NCOR2: variants seen among roughly 807,000 people sequenced by gnomAD.
NCOR2 encodes the protein CTG repeat protein 26.
In NCOR2, 81 loss-of-function variants were observed where a neutral mutation model predicts 262.9. The ratio of observed to expected loss-of-function variants is 0.31; its 90% CI spans 0.26 to 0.37. NCOR2 has a LOEUF of 0.37. Among genes scored for constraint, NCOR2 ranks in the 10% least tolerant of loss-of-function variants. The pLI is 1.00. For missense variants in NCOR2, 3,385 were observed against 3,621.4 expected (o/e 0.93, Z 1.68); for synonymous variants, 1,659 against 1,559.3 (o/e 1.06, Z -1.51).
intron 2 of NCOR2, chr12:124,486,230 A>G (rs1469318911): frequency 8.1e-6 from 5 of 616,832 alleles, no homozygotes; most frequent in Non-Finnish European, 1.3e-5. Flanking sequence ...CTGAAGTTCC[A>G]CGCTGGAAGT....
At chr12:124,437,317 G>A (rs1030298638) in intron 8 of NCOR2, among the ~76,000 whole-genome samples, 2 of 152,252 alleles carry the variant, frequency 1.3e-5, no homozygotes, top group East Asian at 1.9e-4. Flanking sequence ...GGCCACGGCC[G>A]CCTGAAACCA....
rs116677347 is a variant in NCOR2, at chr12:124,424,802, C to T, written c.1328+1820G>A. On this transcript the variant is annotated intron_variant, in intron 11 of 46. Transcript: ENST00000405201. ...TCCGGAGGCAGGGTCTTCCCCAAGG[C>T]AGCTCAGTAGCCTGCCGGGTGAACG... Among the ~76,000 whole-genome samples, 1,038 of 152,318 alleles carry T rather than the reference C, an allele frequency of 6.8e-3. 12 individuals are homozygous for T. Among genetic ancestry groups the T allele is most frequent in the African/African-American group, 0.024 (1,001 of 41,576 alleles).
At chr12:124,341,776 T>C (rs1355793116) in intron 34 of NCOR2, 47 bp downstream of exon 36, 3 of 1,559,730 alleles carry the variant, frequency 1.9e-6, no homozygotes, top group Non-Finnish European at 2.6e-6. Flanking sequence ...CCATGTCCTT[T>C]GGGAATAAGG....
intron 1 of NCOR2, among the ~76,000 whole-genome samples, chr12:124,561,699 G>A (rs1014625366): frequency 1.3e-5 from 2 of 152,080 alleles, no homozygotes; most frequent in East Asian, 1.9e-4. Flanking sequence ...ATGGCACCAC[G>A]CAGAGAAAAC....
intron 7 of NCOR2, among the ~76,000 whole-genome samples, chr12:124,438,200 G>A (rs983214287): frequency 2.6e-5 from 4 of 152,210 alleles, no homozygotes; most frequent in African/African-American, 4.8e-5. Context: ...GGCAGCCCCC[G>A]CCAACGTTTA....
At chr12:124,354,516 AGGCTCTCCGGTGGCCCAGCCT>A in exon 26 of NCOR2, 5 of 1,594,136 alleles carry the variant, frequency 3.1e-6, no homozygotes, top group Non-Finnish European at 4.3e-6. Context: ...GGGCACCCCC[AGGCTCTCCGGTGGCCCAGCCT>A]GGCCCCGTGG....
At chr12:124,407,621 G>A (rs2042346131) in intron 13 of NCOR2, among the ~76,000 whole-genome samples, 1 of 152,238 alleles carries the variant, frequency 6.6e-6, no homozygotes. Flanking sequence ...CCGGGAATGA[G>A]AGGAGACAGT....
chr12:124,349,938 G>A (rs767595016), intron 28 of NCOR2, among the ~76,000 whole-genome samples: 7 of 152,130 alleles, frequency 4.6e-5, no homozygotes, highest in Non-Finnish European at 8.8e-5. Context: ...TAAGCCACAC[G>A]GTGCCACCTC....
intron 10 of NCOR2, 100 bp downstream of exon 12, chr12:124,429,513 C>T (rs1565935169): frequency 3.0e-6 from 4 of 1,317,284 alleles, no homozygotes; most frequent in East Asian, 2.5e-5. Context: ...AGCCCCTCGA[C>T]GTAAACCACC....
chr12:124,404,829 G>A (rs913823006), intron 13 of NCOR2, among the ~76,000 whole-genome samples: 8 of 152,168 alleles, frequency 5.3e-5, no homozygotes, highest in Non-Finnish European at 1.0e-4. Context: ...AGATGAAAAC[G>A]CCACGAGTAA....
In NCOR2 at chr12:124,481,638, G is replaced by C. The variant is rs1593755972; in HGVS notation, c.411+1958C>G. Reference sequence around the variant, plus strand: ...GAACTCCAGGGTGGCCTGGGAGGCTGTACGTGAGCGGTTGAGAGGGCTGCT... The same window carrying C: ...GAACTCCAGGGTGGCCTGGGAGGCTCTACGTGAGCGGTTGAGAGGGCTGCT... On this transcript the variant is annotated intron_variant, in intron 3 of 46. Transcript: ENST00000405201. The surrounding 1 kb of genome is among the most constrained non-coding windows in gnomAD (Gnocchi z 4.6). 6.6e-6 allele frequency among the ~76,000 whole-genome samples: 1 copy of C among 152,218 alleles called. No individual in the cohort carries two copies. Among genetic ancestry groups the C allele is most frequent in the South Asian group, 2.1e-4 (1 of 4,838 alleles).
At chr12:124,490,703 C>T (rs2048038600) in intron 1 of NCOR2, among the ~76,000 whole-genome samples, 1 of 152,214 alleles carries the variant, frequency 6.6e-6, no homozygotes, top group Non-Finnish European at 1.5e-5. Flanking sequence ...CGCCCACCTG[C>T]CCCAGCCTGG....
At chr12:124,495,264 C>G, upstream of NCOR2, 1 of 1,607,838 alleles carries the variant, frequency 6.2e-7, no homozygotes. This position sits in a 1 kb window ranked among gnomAD's most constrained non-coding sequence, Gnocchi z 4.4. Flanking sequence ...TGGTGGGGGT[C>G]GGCGGGGAGC....
At chr12:124,445,238 C>T (rs1004302981) in intron 7 of NCOR2, among the ~76,000 whole-genome samples, 1 of 152,190 alleles carries the variant, frequency 6.6e-6, no homozygotes, top group African/African-American at 2.4e-5. Context: ...ACATCCCACG[C>T]GGGCTCCATA....
At position 124,360,536 on chromosome 12, in the gene NCOR2, G is replaced by A. The variant is rs543109682; in HGVS notation, c.3100+1590C>T. 3.1e-3 allele frequency among the ~76,000 whole-genome samples: 467 copies of A among 152,156 alleles called. 2 individuals are homozygous for A. The highest frequency in any genetic ancestry group is 5.6e-3 in the Non-Finnish European group (380 of 68,002). ...ATAACAAGCACCTCCTTCCCCTTCC[G>A]CAACACACGCTCACTTCAAATCCCT... On this transcript the variant is annotated intron_variant, in intron 22 of 46. Transcript: ENST00000405201.
At chr12:124,335,216 C>T (rs2135778498) in exon 40 of NCOR2, 2 of 1,610,756 alleles carry the variant, frequency 1.2e-6, no homozygotes, top group East Asian at 2.2e-5. Flanking sequence ...TGGACGAGGG[C>T]TGGCTCTCAG....
rs943100165 is a variant in NCOR2, at chr12:124,389,265, C to T, written c.1877-3378G>A. On this transcript the variant is annotated intron_variant, in intron 16 of 46. Transcript: ENST00000405201. The surrounding 1 kb of genome is among the most constrained non-coding windows in gnomAD (Gnocchi z 4.4). ...GGCCCAGCAGGGCAGCCGTGTCCCCCGCAGCCGGGCTCAGCTCTGATCTTC... is the reference window on the plus strand; with the variant it reads ...GGCCCAGCAGGGCAGCCGTGTCCCCTGCAGCCGGGCTCAGCTCTGATCTTC... Among the ~76,000 whole-genome samples the T allele has an allele frequency of 1.3e-5, 2 of 152,214 alleles. No individual in the cohort carries two copies. The highest frequency in any genetic ancestry group is 2.9e-5 in the Non-Finnish European group (2 of 68,036).
chr12:124,445,042 GC>G (rs953223068), intron 7 of NCOR2, among the ~76,000 whole-genome samples: 1 of 152,138 alleles, frequency 6.6e-6, no homozygotes, highest in African/African-American at 2.4e-5. Flanking sequence ...GTTCCCATCA[GC>G]CGACCCCCAA....
chr12:124,366,188 C>T (rs2039022199), intron 20 of NCOR2, among the ~76,000 whole-genome samples: 1 of 152,208 alleles, frequency 6.6e-6, no homozygotes, highest in Admixed American at 6.5e-5. Flanking sequence ...GCAGAGACAA[C>T]CCGACATCCA....
Sources: allele counts gnomAD v4.1 joint callset (sites outside exome capture counted in the v4.1 genomes callset), GRCh38; gene constraint gnomAD v4.1.1; non-coding constraint Gnocchi (gnomAD v3.1); transcripts MANE v1.5; gene names NCBI Gene and HGNC (gene_info 2026-07-23, HGNC 2026-07-21).